Variants in CDH18 observed in about 807,000 individuals in gnomAD.
CDH18 encodes cadherin-18.
A neutral mutation model predicts 67.9 loss-of-function variants in CDH18; 31 were observed. That is an observed-to-expected ratio of 0.46 (90% CI 0.34 to 0.62). The LOEUF (loss-of-function observed/expected upper bound fraction) is 0.62, where lower values mean the gene tolerates loss of function less well. Ranked by LOEUF, CDH18 falls within the 20% of genes least tolerant of loss-of-function variation. The pLI, the probability that CDH18 is intolerant of heterozygous loss-of-function variation, is 0.01. For synonymous variants in CDH18, 362 were observed against 347.2 expected (o/e 1.04, Z -0.48); for missense variants, 890 against 975.5 (o/e 0.91, Z 1.17).
intron 1 of CDH18, among the ~76,000 whole-genome samples, chr5:20,543,716 C>T (rs1757181003): frequency 6.6e-6 from 1 of 152,032 alleles, no homozygotes; most frequent in Admixed American, 6.6e-5. Context: ...AAATACCTTC[C>T]ACAAACTTTA....
chr5:19,681,522 G>T (rs1437457282), intron 5 of CDH18, among the ~76,000 whole-genome samples: 1 of 151,904 alleles, frequency 6.6e-6, no homozygotes, highest in Non-Finnish European at 1.5e-5. Flanking sequence ...ACAACCTAAA[G>T]ATTGGCTGCT....
intron 1 of CDH18, among the ~76,000 whole-genome samples, chr5:20,402,454 A>G (rs1194640219): frequency 6.6e-6 from 1 of 152,228 alleles, no homozygotes; most frequent in Non-Finnish European, 1.5e-5. Context: ...TGTACAGGAA[A>G]AAAATGTACG....
At chr5:19,536,907 G>A (rs568667551) in intron 9 of CDH18, among the ~76,000 whole-genome samples, 4 of 152,106 alleles carry the variant, frequency 2.6e-5, no homozygotes, top group Non-Finnish European at 4.4e-5. Flanking sequence ...TATGGCACTC[G>A]AGGTGATTCA....
chr5:19,870,851 T>C (rs1786185699), intron 2 of CDH18, among the ~76,000 whole-genome samples: 1 of 152,206 alleles, frequency 6.6e-6, no homozygotes, highest in African/African-American at 2.4e-5. Context: ...TATTTACCCA[T>C]GTGGGCCACC....
At chr5:19,553,996 C>T (rs995507438) in intron 8 of CDH18, among the ~76,000 whole-genome samples, 5 of 151,902 alleles carry the variant, frequency 3.3e-5, no homozygotes, top group African/African-American at 9.7e-5. Context: ...ATTCACTTTA[C>T]GAATTATGAT....
Position 19,472,591 on chromosome 5 carries a change from C to T in CDH18, c.*635G>A, listed in dbSNP as rs557465465. On this transcript the variant is annotated 3_prime_UTR_variant, in exon 13 of 13. Coordinates refer to ENST00000382275, the MANE Select transcript of CDH18 (RefSeq NM_004934.5). Reference sequence around the variant, plus strand: ...ACAACTGGTGCACTGAAGTTGCATACATTATAGTGCAGGCAGCAAATCCCC... The same window carrying T: ...ACAACTGGTGCACTGAAGTTGCATATATTATAGTGCAGGCAGCAAATCCCC... Among the ~76,000 whole-genome samples the T allele has an allele frequency of 6.6e-6, 1 of 152,176 alleles. No homozygotes were observed. Among genetic ancestry groups the T allele is most frequent in the East Asian group, 1.9e-4 (1 of 5,166 alleles).
intron 6 of CDH18, among the ~76,000 whole-genome samples, chr5:19,604,203 A>G (rs1004961758): frequency 3.3e-5 from 5 of 152,114 alleles, no homozygotes; most frequent in African/African-American, 9.7e-5. Flanking sequence ...GCTTTTTAAA[A>G]GACCTTGTGT....
intron 1 of CDH18, among the ~76,000 whole-genome samples, chr5:20,554,788 ATGAGT>A (rs1467834237): frequency 6.6e-6 from 1 of 152,216 alleles, no homozygotes; most frequent in African/African-American, 2.4e-5. Flanking sequence ...TATGCAGCTT[ATGAGT>A]TGGAACACTT....
At chr5:20,159,171 T>C (rs2126604204) in intron 2 of CDH18, among the ~76,000 whole-genome samples, 1 of 152,294 alleles carries the variant, frequency 6.6e-6, no homozygotes, top group South Asian at 2.1e-4. Flanking sequence ...TTGTCTGTTT[T>C]CCACTGGTTT....
At chr5:20,514,175 C>T (rs898140515) in intron 1 of CDH18, among the ~76,000 whole-genome samples, 39 of 152,114 alleles carry the variant, frequency 2.6e-4, no homozygotes, top group African/African-American at 8.0e-4. Flanking sequence ...TTCCTCACTC[C>T]ACCACATTTT....
chr5:19,931,056 G>A (rs1339013136), intron 2 of CDH18, among the ~76,000 whole-genome samples: 1 of 151,942 alleles, frequency 6.6e-6, no homozygotes, highest in Non-Finnish European at 1.5e-5. Context: ...TACTTAAGTA[G>A]ACAAATAGTA....
intron 2 of CDH18, among the ~76,000 whole-genome samples, chr5:19,899,556 C>T (rs762474550): frequency 2.0e-5 from 3 of 152,046 alleles, no homozygotes; most frequent in Non-Finnish European, 2.9e-5. Flanking sequence ...GGAGGCTCCT[C>T]AAAAATTAAT....
At chr5:20,265,425 T>C (rs908438250) in intron 1 of CDH18, among the ~76,000 whole-genome samples, 1 of 152,040 alleles carries the variant, frequency 6.6e-6, no homozygotes, top group Non-Finnish European at 1.5e-5. Flanking sequence ...GTTTTGTAAT[T>C]ATCTGGATGT....
At chr5:20,241,575 G>A (rs1016363942) in intron 2 of CDH18, among the ~76,000 whole-genome samples, 16 of 152,098 alleles carry the variant, frequency 1.1e-4, no homozygotes, top group Non-Finnish European at 1.9e-4. Context: ...AAATCGGCCG[G>A]GTGGGGTGGC....
intron 1 of CDH18, among the ~76,000 whole-genome samples, chr5:20,477,009 TCGAGATTA>T (rs1200389007): frequency 6.6e-6 from 1 of 152,198 alleles, no homozygotes; most frequent in Non-Finnish European, 1.5e-5. Flanking sequence ...TTTAATTTCA[TCGAGATTA>T]CAGAGTTTTA....
At chr5:19,957,459 G>C (rs950876590) in intron 2 of CDH18, among the ~76,000 whole-genome samples, 1 of 151,342 alleles carries the variant, frequency 6.6e-6, no homozygotes, top group African/African-American at 2.4e-5. Context: ...TACATATAAG[G>C]GTATATTTAA....
chr5:20,479,830 C>G (rs1461250863), intron 1 of CDH18, among the ~76,000 whole-genome samples: 2 of 152,008 alleles, frequency 1.3e-5, no homozygotes, highest in Non-Finnish European at 2.9e-5. Context: ...AATAAAACTA[C>G]TCTAAGGTAT....
At chr5:19,970,912 G>T (rs912485560) in intron 2 of CDH18, among the ~76,000 whole-genome samples, 1 of 151,692 alleles carries the variant, frequency 6.6e-6, no homozygotes, top group Non-Finnish European at 1.5e-5. Context: ...AGATAGTGAA[G>T]AATATCTCCA....
intron 1 of CDH18, among the ~76,000 whole-genome samples, chr5:20,327,476 C>G (rs1162603841): frequency 6.6e-6 from 1 of 151,962 alleles, no homozygotes; most frequent in Non-Finnish European, 1.5e-5. Flanking sequence ...TCTTTTTTCC[C>G]TCCTGCTTGC....
Sources: allele counts gnomAD v4.1 joint callset (sites outside exome capture counted in the v4.1 genomes callset), GRCh38; gene constraint gnomAD v4.1.1; transcripts MANE v1.5; gene names NCBI Gene and HGNC (gene_info 2026-07-23, HGNC 2026-07-21).